The following RASA3 variants were observed in gnomAD, a reference collection of about 807,000 sequenced individuals.
RASA3 encodes RAS p21 protein activator 3, also known as ras GTPase-activating protein 3.
RASA3 carries 73 observed loss-of-function variants against 110.0 expected under a neutral mutation model. The observed-to-expected ratio is 0.66, with a 90% confidence interval of 0.55 to 0.81. The LOEUF (loss-of-function observed/expected upper bound fraction) is 0.81, where lower values mean the gene tolerates loss of function less well. RASA3 is among the 30% of genes least tolerant of loss of function. The pLI, the probability that RASA3 is intolerant of heterozygous loss-of-function variation, is 0.00. For missense variants in RASA3, 976 were observed against 1,113.2 expected, an observed-to-expected ratio of 0.88 and a Z score of 1.75; for synonymous variants, 500 against 451.4, an observed-to-expected ratio of 1.11 and a Z score of -1.37.
chr13:113,984,622 TATCACTCACCCATCCATCCATCCACC>T (rs1188571351), intron 22 of RASA3, among the ~76,000 whole-genome samples: 2 of 41,576 alleles, frequency 4.8e-5, no homozygotes, highest in Non-Finnish European at 1.1e-4. Flanking sequence ...TCCATCCACC[TATCACTCACCCATCCATCCATCCACC>T]ATCACTCACC....
chr13:114,103,542 A>C (rs865893359), intron 1 of RASA3, among the ~76,000 whole-genome samples: 155 of 110,822 alleles, frequency 1.4e-3, no homozygotes, highest in East Asian at 2.2e-3. Context: ...CCACACTGCC[A>C]CGGCCACAGA....
At chr13:114,017,995 C>G in intron 11 of RASA3, 109 bp downstream of exon 11, 7 of 1,239,136 alleles carry the variant, frequency 5.6e-6, no homozygotes, top group Non-Finnish European at 7.4e-6. Flanking sequence ...TTCTGGGGAC[C>G]CTTGAATTCC....
chr13:114,098,281 G>C (rs529568376), intron 1 of RASA3, among the ~76,000 whole-genome samples: 99 of 152,316 alleles, frequency 6.5e-4, no homozygotes, highest in African/African-American at 2.3e-3. Flanking sequence ...TCTACCCTGG[G>C]GGCAGAGCTG....
rs200609435 is a variant in RASA3 at position 114,007,513 on chromosome 13, C to G, written c.1742+20G>C. 1 of 1,579,098 alleles carries G rather than the reference C, an allele frequency of 6.3e-7. No individual in the cohort carries two copies. Among genetic ancestry groups the G allele is most frequent in the Non-Finnish European group, 8.7e-7 (1 of 1,154,204 alleles). ...CCTTCTCCCCTCCTGCCCTGCCAGA[C>G]GCCACCTTACCCTCCTTACCCTTCT... is the stretch of plus-strand genomic sequence containing the variant. On this transcript the variant is annotated intron_variant, in intron 18 of 23. Transcript: ENST00000334062.
chr13:114,128,318 TTCTC>T (rs2080476791), intron 1 of RASA3, among the ~76,000 whole-genome samples: 2 of 152,222 alleles, frequency 1.3e-5, no homozygotes, highest in South Asian at 4.1e-4. Flanking sequence ...TGTTGCTACT[TTCTC>T]TTATTAAACA....
At chr13:114,036,393 G>A (rs1051269005) in intron 4 of RASA3, among the ~76,000 whole-genome samples, 23 of 152,220 alleles carry the variant, frequency 1.5e-4, no homozygotes, top group Admixed American at 1.1e-3. Context: ...CTCGCTGTCC[G>A]GACACAGGAC....
At chr13:114,013,595 C>T (rs111164480) in intron 14 of RASA3, among the ~76,000 whole-genome samples, 75,623 of 108,658 alleles carry the variant, frequency 0.7, 27,205 homozygotes, top group African/African-American at 0.86. Flanking sequence ...TCTCTCTCTC[C>T]GTCTCTGGCT....
intron 4 of RASA3, among the ~76,000 whole-genome samples, chr13:114,039,854 G>A (rs1482799491): frequency 6.6e-6 from 1 of 152,250 alleles, no homozygotes; most frequent in East Asian, 1.9e-4. Flanking sequence ...GACAGGACCG[G>A]GGTGAGCCCC....
At chr13:114,071,532 C>T (rs967750840) in intron 2 of RASA3, among the ~76,000 whole-genome samples, 4 of 152,210 alleles carry the variant, frequency 2.6e-5, no homozygotes, top group Admixed American at 1.3e-4. Context: ...TCCAAAGGCA[C>T]TTCTGAAGGG....
chr13:114,009,595 G>C, intron 16 of RASA3, 131 bp from the exon 17 acceptor site: 1 of 666,018 alleles, frequency 1.5e-6, no homozygotes, highest in Non-Finnish European at 2.6e-6. Flanking sequence ...CGGTGTTACC[G>C]GGCAAGTGAG....
rs1176393202 is a variant in RASA3 at position 114,056,720 on chromosome 13, A to G, written c.174-4565T>C. On this transcript the variant is annotated intron_variant, in intron 2 of 23. Transcript: ENST00000334062. The surrounding 1 kb of genome is among the most constrained non-coding windows in gnomAD (Gnocchi z 5.7). The stretch of plus-strand genomic sequence containing the variant: ...TAAACCAGAAATCCATTCAATAAAA[A>G]GAGATAAAAATAGCAGAAAGAGGAA... 2.1e-6 allele frequency: 2 copies of G among 952,576 alleles called. No individual in the cohort carries two copies. The highest frequency in any genetic ancestry group is 2.5e-6 in the Non-Finnish European group (2 of 799,996). 59.0% of individuals were successfully genotyped at this position (952,576 alleles called of 1,614,324 possible).
intron 7 of RASA3, among the ~76,000 whole-genome samples, chr13:114,026,272 G>A (rs935636429): frequency 2.6e-5 from 4 of 152,200 alleles, no homozygotes; most frequent in African/African-American, 9.6e-5. Flanking sequence ...GCCGAGGCGG[G>A]GGGAGCTGCC....
intron 22 of RASA3, among the ~76,000 whole-genome samples, chr13:113,990,879 T>C (rs1256045093): frequency 3.3e-5 from 5 of 152,264 alleles, no homozygotes; most frequent in East Asian, 1.9e-4. Context: ...TGGCTATGCA[T>C]ACATGTGTAT....
chr13:114,014,300 G>C lies in RASA3; in HGVS notation c.1405+909C>G, dbSNP rs1460855068. 6.6e-6 allele frequency among the ~76,000 whole-genome samples: 1 copy of C among 152,222 alleles called. No individual in the cohort carries two copies. The highest frequency in any genetic ancestry group is 1.5e-5 in the Non-Finnish European group (1 of 68,044). On this transcript the variant is annotated intron_variant, in intron 14 of 23. Coordinates refer to ENST00000334062, the MANE Select transcript of RASA3 (RefSeq NM_007368.4). This position sits in a 1 kb window ranked among gnomAD's most constrained non-coding sequence, Gnocchi z 4.5. ...TCTCTTCACTTCCACCTTGTTCAAAGTGGGTCTGGGGCTGGGATGTGCTTG... is the reference window on the plus strand; with the variant it reads ...TCTCTTCACTTCCACCTTGTTCAAACTGGGTCTGGGGCTGGGATGTGCTTG...
In RASA3 at chr13:114,043,031, C is replaced by T. The variant is rs562753698; in HGVS notation, c.278-1937G>A. On this transcript the variant is annotated intron_variant, in intron 3 of 23. Coordinates refer to ENST00000334062, the MANE Select transcript of RASA3 (RefSeq NM_007368.4). Reference sequence around the variant, plus strand: ...TCTTCCCTCAGGAGCTCCTCTGCCTCGCGGGCTCATGCGAGCGAGACCTCT... The same window carrying T: ...TCTTCCCTCAGGAGCTCCTCTGCCTTGCGGGCTCATGCGAGCGAGACCTCT... 1.4e-4 allele frequency among the ~76,000 whole-genome samples: 21 copies of T among 152,336 alleles called. No homozygotes were observed. The South Asian group carries it at 1.4e-3, about 11-fold the overall frequency.
At chr13:114,022,976 T>G (rs1317487059) in intron 8 of RASA3, among the ~76,000 whole-genome samples, 1 of 152,160 alleles carries the variant, frequency 6.6e-6, no homozygotes, top group Non-Finnish European at 1.5e-5. Flanking sequence ...GTCAGGGACA[T>G]TCTATGGTTC....
At position 114,114,739 on chromosome 13, in the gene RASA3, G is replaced by A. The variant is rs940323399; in HGVS notation, c.55+17696C>T. Among the ~76,000 whole-genome samples the A allele has an allele frequency of 1.8e-4, 27 of 152,176 alleles. No individual in the cohort carries two copies. The highest frequency in any genetic ancestry group is 5.8e-4 in the African/African-American group (24 of 41,428). On this transcript the variant is annotated intron_variant, in intron 1 of 23. Transcript: ENST00000334062. This position sits in a 1 kb window ranked among gnomAD's most constrained non-coding sequence, Gnocchi z 4.8. ...GTGGGCAGGGTTTCAGTGTAAACCC[G>A]AGGGCAGGTTAAACACGCTCCCTCC...
intron 1 of RASA3, among the ~76,000 whole-genome samples, chr13:114,094,553 T>C (rs968850053): frequency 6.6e-6 from 1 of 152,182 alleles, no homozygotes; most frequent in African/African-American, 2.4e-5. Context: ...TGCCACTGAA[T>C]CGTACACTTT....
At chr13:114,094,554 C>T (rs985837967) in intron 1 of RASA3, among the ~76,000 whole-genome samples, 2 of 152,052 alleles carry the variant, frequency 1.3e-5, no homozygotes, top group African/African-American at 4.8e-5. Context: ...GCCACTGAAT[C>T]GTACACTTTA....
Sources: allele counts gnomAD v4.1 joint callset (sites outside exome capture counted in the v4.1 genomes callset), GRCh38; gene constraint gnomAD v4.1.1; non-coding constraint Gnocchi (gnomAD v3.1); transcripts MANE v1.5; gene names NCBI Gene and HGNC (gene_info 2026-07-23, HGNC 2026-07-21).